MAN2A2: variants seen among roughly 807,000 people sequenced by gnomAD.
The protein encoded by MAN2A2 is alpha-mannosidase 2x.
Under a neutral mutation model 126.8 loss-of-function variants are expected in MAN2A2, and 79 were observed. The ratio of observed to expected loss-of-function variants is 0.62; its 90% CI spans 0.52 to 0.75. MAN2A2 has a LOEUF of 0.75. Ranked by LOEUF, MAN2A2 falls within the 30% of genes least tolerant of loss-of-function variation. The pLI is 0.00. For synonymous variants in MAN2A2, 671 were observed against 618.7 expected (o/e 1.08, Z -1.25); for missense variants, 1,392 against 1,522.4 (o/e 0.91, Z 1.43).
rs1254061962 is a variant in MAN2A2 at position 90,909,487 on chromosome 15, C to T, written c.1357C>T (p.Pro453Ser). The change falls in exon 9 of 23, where the codon CCT (proline) becomes TCT (serine). Residue 453 changes from proline to serine, a missense_variant. Coordinates refer to ENST00000559717, the MANE Select transcript of MAN2A2 (RefSeq NM_006122.4). ...QRLFDFFNSR[P>S]NLHVQAQFGT... ...GCTCTTTGACTTCTTCAACAGCAGGCCTAACCTCCATGTGCAGGTGTGAGG... is the reference window on the plus strand; with the variant it reads ...GCTCTTTGACTTCTTCAACAGCAGGTCTAACCTCCATGTGCAGGTGTGAGG... The T allele has an allele frequency of 1.2e-6, 2 of 1,613,628 alleles. No individual in the cohort carries two copies. Among genetic ancestry groups the T allele is most frequent in the African/African-American group, 2.7e-5 (2 of 74,916 alleles).
chr15:90,907,333 T>G lies in MAN2A2; in HGVS notation c.1034T>G (p.Phe345Cys). 1 of 1,614,048 alleles carries G rather than the reference T, an allele frequency of 6.2e-7. No individual in the cohort carries two copies. The highest frequency in any genetic ancestry group is 8.5e-7 in the Non-Finnish European group (1 of 1,179,950). Residue 345 changes from phenylalanine to cysteine, a missense_variant, in exon 8 of 23, where the codon TTC becomes TGC. Phe to Cys is a radical substitution (Grantham distance 205, BLOSUM62 -2). Coordinates refer to ENST00000559717, the MANE Select transcript of MAN2A2 (RefSeq NM_006122.4). ...TWDSDSSTDIFCHMMPFYSYD... is the reference protein window; with the variant it reads ...TWDSDSSTDICCHMMPFYSYD... ...GACTCGGACTCCAGCACAGACATCT[T>G]CTGTCACATGATGCCCTTCTACAGC...
At chr15:90,904,399 A>G (rs898986714) in intron 2 of MAN2A2, 60 bp downstream of exon 2, 21 of 1,569,126 alleles carry the variant, frequency 1.3e-5, no homozygotes, top group African/African-American at 1.2e-4. Context: ...CAGGGTATGC[A>G]CCTCCCACCC....
intron 8 of MAN2A2, among the ~76,000 whole-genome samples, chr15:90,908,992 TGTG>T: frequency 6.6e-6 from 1 of 152,268 alleles, no homozygotes; most frequent in Non-Finnish European, 1.5e-5. Flanking sequence ...AGCTAGTACT[TGTG>T]GAGCTGGTGT....
At chr15:90,916,672 C>T in intron 20 of MAN2A2, 1 of 1,292,770 alleles carries the variant, frequency 7.7e-7, no homozygotes, top group Non-Finnish European at 1.0e-6. Flanking sequence ...TAAGGGTCGG[C>T]TCTGGGAGCG....
chr15:90,910,539 C>G lies in MAN2A2; in HGVS notation c.1616C>G (p.Ala539Gly), dbSNP rs1261512790. Reference protein sequence around the residue: ...EVLYSLAAAHARRSGLAGRYP... With the variant: ...EVLYSLAAAHGRRSGLAGRYP... Reference sequence around the variant, plus strand: ...CTGTACAGCCTGGCTGCAGCTCACGCTCGCCGCTCTGGTCTGGCTGGCCGG... The same window carrying G: ...CTGTACAGCCTGGCTGCAGCTCACGGTCGCCGCTCTGGTCTGGCTGGCCGG... Residue 539 changes from alanine to glycine, a missense_variant, in exon 11 of 23, where the codon GCT becomes GGT. Physicochemically the swap from Ala to Gly is moderately conservative, Grantham distance 60 (BLOSUM62 0). Coordinates refer to ENST00000559717, the MANE Select transcript of MAN2A2 (RefSeq NM_006122.4). The G allele has an allele frequency of 3.1e-6, 5 of 1,613,972 alleles. No individual in the cohort carries two copies. In the African/African-American group the frequency reaches 6.7e-5, roughly 22 times the overall value.
At chr15:90,914,115 G>C (rs189337647) in intron 19 of MAN2A2, among the ~76,000 whole-genome samples, 130 of 152,366 alleles carry the variant, frequency 8.5e-4, no homozygotes, top group Admixed American at 3.1e-3. Context: ...CAAGGCAGAA[G>C]GCCAGGAGTT....
Position 90,910,239 on chromosome 15 carries a change from C to T in MAN2A2, c.1524C>T (p.Tyr508=), listed in dbSNP as rs146637156. Residue 508 remains tyrosine, a synonymous_variant, in exon 10 of 23, where the codon TAC becomes TAT. Coordinates refer to ENST00000559717, the MANE Select transcript of MAN2A2 (RefSeq NM_006122.4). ...AGGATCATTACTGGACAGGCTATTA[C>T]ACTTCCCGGCCCTTCTACAAGAGCT... ...DREDHYWTGY[Y]TSRPFYKSLD... is the part of the protein sequence containing the mutation. The T allele has an allele frequency of 2.7e-5, 44 of 1,614,084 alleles. No homozygotes were observed. The African/African-American group carries it at 4.7e-4, about 17-fold the overall frequency.
At chr15:90,918,792 C>G (rs770663272) in intron 22 of MAN2A2, 37 bp downstream of exon 22, 9 of 1,403,872 alleles carry the variant, frequency 6.4e-6, no homozygotes, top group African/African-American at 2.8e-5. Context: ...CTAGGAATGG[C>G]AGGCATGAGC....
Position 90,910,302 on chromosome 15 carries a change from T to C in MAN2A2, c.1577+10T>C, listed in dbSNP as rs576909873. On this transcript the variant is annotated intron_variant, in intron 10 of 22. Coordinates refer to ENST00000559717, the MANE Select transcript of MAN2A2 (RefSeq NM_006122.4). ...TGGAAGCCCACCTGCGGTGAGACCCTGTCCCCGCTTCCAGGCTGGAGGGGG... is the reference window on the plus strand; with the variant it reads ...TGGAAGCCCACCTGCGGTGAGACCCCGTCCCCGCTTCCAGGCTGGAGGGGG... The C allele has an allele frequency of 2.0e-5, 33 of 1,613,536 alleles. No homozygotes were observed. In the South Asian group the frequency reaches 3.2e-4, roughly 16 times the overall value.
Position 90,915,870 on chromosome 15 carries a change from G to T in MAN2A2, c.2861-253G>T, listed in dbSNP as rs531323984. The T allele has an allele frequency of 4.9e-5, 23 of 468,748 alleles. No homozygotes were observed. The South Asian group carries it at 7.8e-4, about 16-fold the overall frequency. 29.0% of individuals were successfully genotyped at this position (468,748 alleles called of 1,614,324 possible). ...CCTACTCCTGAGTCCCAGAGCGTGG[G>T]GGGTAAACTGCCAGGGCCAGCCTTC... On this transcript the variant is annotated intron_variant, in intron 19 of 22. Transcript: ENST00000559717.
intron 20 of MAN2A2, 131 bp downstream of exon 20, chr15:90,916,387 G>GT: frequency 7.7e-7 from 1 of 1,306,550 alleles, no homozygotes; most frequent in Non-Finnish European, 1.1e-6. Flanking sequence ...TGAATTCCTG[G>GT]GGTGGGGGGA....
At position 90,905,196 on chromosome 15, in the gene MAN2A2, G is replaced by A. The variant is rs528690299; in HGVS notation, c.133-55G>A. 3.8e-5 allele frequency: 61 copies of A among 1,586,686 alleles called. No individual in the cohort carries two copies. In the Admixed American group the frequency reaches 4.6e-4, roughly 12 times the overall value. On this transcript the variant is annotated intron_variant, in intron 2 of 22. Transcript: ENST00000559717. ...CCTCAGCTGGTAGACCCCAAGCAGA[G>A]ACCCTCCCTGTGGCATAAGGAGCTG...
chr15:90,918,597 T>G, intron 21 of MAN2A2, 48 bp from the exon 22 acceptor site: 1 of 1,370,152 alleles, frequency 7.3e-7, no homozygotes, highest in Non-Finnish European at 1.0e-6. Context: ...GCATCTCCGA[T>G]CTCTGAAAGC....
At chr15:90,916,546 T>A in intron 20 of MAN2A2, 1 of 1,412,538 alleles carries the variant, frequency 7.1e-7, no homozygotes, top group Non-Finnish European at 9.4e-7. Flanking sequence ...AAGCCTGTGC[T>A]CCAACCCCGC....
Position 90,905,605 on chromosome 15 carries a change from G to T in MAN2A2, c.417G>T (p.Pro139=). The T allele has an allele frequency of 6.2e-7, 1 of 1,614,204 alleles. No homozygotes were observed. Among genetic ancestry groups the T allele is most frequent in the Non-Finnish European group, 8.5e-7 (1 of 1,180,034 alleles). ...LQMLTVSEEL[P]FDNVDGGVWR... Reference sequence around the variant, plus strand: ...TGCTCACTGTGTCGGAGGAGCTGCCGTTTGACAACGTGGATGGTGGTGTGT... The same window carrying T: ...TGCTCACTGTGTCGGAGGAGCTGCCTTTTGACAACGTGGATGGTGGTGTGT... The change falls in exon 4 of 23, where the codon CCG becomes CCT. Residue 139 remains proline, a synonymous_variant. Transcript: ENST00000559717.
rs1391469718 is a variant in MAN2A2, at chr15:90,922,524, A to G, written c.*2737A>G. ...GTAGAATTTGTAATCAAACAATAGG[A>G]GGGGAATCTGTGAACGCCTAGAAAA... On this transcript the variant is annotated 3_prime_UTR_variant, in exon 23 of 23. Transcript: ENST00000559717. 4 of 152,156 alleles carry G rather than the reference A, an allele frequency of 2.6e-5. No homozygotes were observed. The highest frequency in any genetic ancestry group is 4.8e-5 in the African/African-American group (2 of 41,438). The allele number at this position is 152,156 out of a possible 1,614,324, so 9.4% of individuals were successfully genotyped here.
chr15:90,914,459 T>C (rs2035014217), intron 19 of MAN2A2, among the ~76,000 whole-genome samples: 1 of 152,184 alleles, frequency 6.6e-6, no homozygotes, highest in South Asian at 2.1e-4. Context: ...ATTAAGGAAA[T>C]GAGAAAATTA....
chr15:90,908,267 G>A (rs1057105), intron 8 of MAN2A2, among the ~76,000 whole-genome samples: 28,447 of 152,166 alleles, frequency 0.19, 4,880 homozygotes, highest in African/African-American at 0.46. Context: ...TCCTTTGAAA[G>A]GCTTACTAGA....
At position 90,912,281 on chromosome 15, in the gene MAN2A2, T is replaced by C; in HGVS notation, c.2346+2T>C. Reference sequence around the variant, plus strand: ...TCAGGCCTTACTGGGCTCCTCAAGGTAAAAGGCCAGGGTGGTGGGGAAGGG... The same window carrying C: ...TCAGGCCTTACTGGGCTCCTCAAGGCAAAAGGCCAGGGTGGTGGGGAAGGG... On this transcript the variant is annotated splice_donor_variant, in intron 15 of 22. Transcript: ENST00000559717. LOFTEE classifies it high-confidence loss of function. 2 of 1,614,016 alleles carry C rather than the reference T, an allele frequency of 1.2e-6. No individual in the cohort carries two copies. The highest frequency in any genetic ancestry group is 1.7e-6 in the Non-Finnish European group (2 of 1,179,960).
Sources: gnomAD v4.1 joint callset for allele counts (sites outside exome capture counted in the v4.1 genomes callset) on GRCh38, gnomAD v4.1.1 for gene constraint, MANE v1.5 for transcripts, NCBI Gene and HGNC (gene_info 2026-07-23, HGNC 2026-07-21) for gene names.